The following LCORL variants were observed in gnomAD, a reference collection of about 807,000 sequenced individuals.
LCORL encodes the protein ligand-dependent nuclear receptor corepressor-like protein.
LCORL carries 41 observed loss-of-function variants against 141.8 expected under a neutral mutation model. That is an observed-to-expected ratio of 0.29 (90% CI 0.23 to 0.38). The LOEUF (loss-of-function observed/expected upper bound fraction) is 0.38, where lower values mean the gene tolerates loss of function less well. LCORL is among the 10% of genes least tolerant of loss of function. LCORL has a pLI of 1.00. For missense variants in LCORL, 1,759 were observed against 2,035.0 expected, an observed-to-expected ratio of 0.86 and a Z score of 2.61; for synonymous variants, 618 against 694.1, an observed-to-expected ratio of 0.89 and a Z score of 1.72.
exon 7 of LCORL, chr4:17,875,071 T>C (rs1726772487): frequency 8.1e-7 from 1 of 1,233,690 alleles, no homozygotes; most frequent in Non-Finnish European, 1.0e-6. Flanking sequence ...TCAGTGTGCC[T>C]TATTTTATCC....
Position 17,922,879 on chromosome 4 carries a change from C to T in LCORL, c.431-13534G>A, listed in dbSNP as rs192722130. Among the ~76,000 whole-genome samples the T allele has an allele frequency of 2.0e-4, 31 of 152,276 alleles. No homozygotes were observed. In the East Asian group the frequency reaches 5.6e-3, roughly 27 times the overall value. On this transcript the variant is annotated intron_variant, in intron 4 of 7. Transcript: ENST00000635767. ...CTCCCAGTGGTGTCAACATCCCCAA[C>T]ACATCCCTTCCCCAACCTGGGCAGC...
At chr4:18,014,084 A>G (rs1724246384) in intron 1 of LCORL, among the ~76,000 whole-genome samples, 1 of 152,166 alleles carries the variant, frequency 6.6e-6, no homozygotes, top group Non-Finnish European at 1.5e-5. Context: ...CTAGGATTAC[A>G]GGGATGGGCC....
rs577924038 is a variant in LCORL, at chr4:17,949,690, C to T, written c.430+12213G>A. 2.0e-5 allele frequency among the ~76,000 whole-genome samples: 3 copies of T among 152,260 alleles called. No individual in the cohort carries two copies. The South Asian group carries it at 6.2e-4, about 32-fold the overall frequency. Reference sequence around the variant, plus strand: ...CTTACTTCAAGTAGAATTTATACTTCTTGTAATTCCATAAAATCTATTTCT... The same window carrying T: ...CTTACTTCAAGTAGAATTTATACTTTTTGTAATTCCATAAAATCTATTTCT... On this transcript the variant is annotated intron_variant, in intron 4 of 7. Coordinates refer to ENST00000635767, the Ensembl canonical transcript of LCORL.
At chr4:17,901,172 A>G (rs1357962928) in intron 5 of LCORL, among the ~76,000 whole-genome samples, 1 of 152,116 alleles carries the variant, frequency 6.6e-6, no homozygotes, top group African/African-American at 2.4e-5. Flanking sequence ...AGAAAAAAAA[A>G]AGAAATCTGC....
intron 1 of LCORL, among the ~76,000 whole-genome samples, chr4:17,979,748 C>G (rs181597826): frequency 1.2e-4 from 18 of 152,282 alleles, no homozygotes; most frequent in Admixed American, 1.2e-3. Context: ...CCAGAGAGTT[C>G]TAATACCCAG....
intron 7 of LCORL, 103 bp from the exon 8 acceptor site, chr4:17,846,004 T>G (rs1722885688): frequency 1.1e-6 from 1 of 881,784 alleles, no homozygotes; most frequent in Non-Finnish European, 1.8e-6. Flanking sequence ...GACCTCTAAA[T>G]TTTAGCATAC....
intron 4 of LCORL, chr4:17,960,305 G>C (rs1369297425): frequency 6.5e-6 from 1 of 154,218 alleles, no homozygotes; most frequent in Non-Finnish European, 1.5e-5. Flanking sequence ...CCAGATGCTT[G>C]AATCAGCTGA....
chr4:17,996,135 T>C (rs1043816027), intron 1 of LCORL, among the ~76,000 whole-genome samples: 1 of 152,152 alleles, frequency 6.6e-6, no homozygotes, highest in East Asian at 1.9e-4. Flanking sequence ...GATTTACTCA[T>C]GCCTAAGTTC....
At chr4:17,854,268 A>G (rs1274845567) in intron 7 of LCORL, among the ~76,000 whole-genome samples, 1 of 152,186 alleles carries the variant, frequency 6.6e-6, no homozygotes. Flanking sequence ...TGTTAAAAGA[A>G]TTTATGTAAA....
At chr4:17,912,170 G>A (rs919546236) in intron 4 of LCORL, 22 of 1,022,748 alleles carry the variant, frequency 2.2e-5, no homozygotes, top group African/African-American at 1.4e-4. Context: ...GACAATGCCC[G>A]TCTTGCTGCT....
chr4:17,985,459 T>G (rs1426248284), intron 1 of LCORL, among the ~76,000 whole-genome samples: 1 of 152,210 alleles, frequency 6.6e-6, no homozygotes, highest in African/African-American at 2.4e-5. Context: ...CTCTGCTGGG[T>G]GCATATATAT....
chr4:17,871,373 T>C (rs990405294), intron 7 of LCORL, among the ~76,000 whole-genome samples: 9 of 151,958 alleles, frequency 5.9e-5, no homozygotes, highest in Non-Finnish European at 1.0e-4. Context: ...CTTCAAATGA[T>C]ACTAAAAATT....
At chr4:17,912,033 C>A in intron 4 of LCORL, 2 of 661,200 alleles carry the variant, frequency 3.0e-6, no homozygotes, top group South Asian at 2.7e-5. Flanking sequence ...AGACCAAAAT[C>A]TGGGGGCACC....
At chr4:17,925,973 G>T (rs747609463) in intron 4 of LCORL, among the ~76,000 whole-genome samples, 1 of 149,540 alleles carries the variant, frequency 6.7e-6, no homozygotes, top group African/African-American at 2.5e-5. Flanking sequence ...TCCCTTTATC[G>T]TGTGTCATAA....
exon 8 of LCORL, chr4:17,845,830 G>A (rs779850195): frequency 6.2e-7 from 1 of 1,613,484 alleles, no homozygotes; most frequent in South Asian, 1.1e-5. Flanking sequence ...CATCTTAATG[G>A]GGCTCAAAGG....
intron 1 of LCORL, among the ~76,000 whole-genome samples, chr4:17,985,262 G>A (rs1274060823): frequency 6.6e-6 from 1 of 152,092 alleles, no homozygotes; most frequent in Non-Finnish European, 1.5e-5. Flanking sequence ...TTGGGATGGA[G>A]AGTCCCGTAG....
chr4:17,856,500 C>T (rs564200053), intron 7 of LCORL, among the ~76,000 whole-genome samples: 1 of 152,260 alleles, frequency 6.6e-6, no homozygotes, highest in Non-Finnish European at 1.5e-5. Context: ...GCCTCCAAAA[C>T]TTTGAGAAAA....
At chr4:17,851,394 C>T (rs1723691105) in intron 7 of LCORL, among the ~76,000 whole-genome samples, 1 of 152,124 alleles carries the variant, frequency 6.6e-6, no homozygotes, top group Admixed American at 6.5e-5. Flanking sequence ...TTCAGATAGT[C>T]CCCTCACATT....
At chr4:17,965,512 T>G (rs530737695) in intron 2 of LCORL, among the ~76,000 whole-genome samples, 1 of 152,182 alleles carries the variant, frequency 6.6e-6, no homozygotes, top group African/African-American at 2.4e-5. Flanking sequence ...ATATATCTTA[T>G]AGAAATAGCT....
Sources: gnomAD v4.1 joint callset for allele counts (sites outside exome capture counted in the v4.1 genomes callset) on GRCh38, gnomAD v4.1.1 for gene constraint, MANE v1.5 for transcripts, NCBI Gene and HGNC (gene_info 2026-07-23, HGNC 2026-07-21) for gene names.